COL25A1: variants seen among roughly 807,000 people sequenced by gnomAD.
The protein encoded by COL25A1 is collagen alpha-1(XXV) chain.
In COL25A1, 103 loss-of-function variants were observed where a neutral mutation model predicts 128.4. That is an observed-to-expected ratio of 0.80 (90% CI 0.68 to 0.94). The LOEUF is 0.94. COL25A1 is among the 40% of genes least tolerant of loss of function. The probability of loss-of-function intolerance (pLI) is 0.00; values close to 1 mark genes in which losing one functional copy is unlikely to be tolerated. For missense variants in COL25A1, 745 were observed against 840.0 expected (o/e 0.89, Z 1.40); for synonymous variants, 279 against 277.2 (o/e 1.01, Z -0.06).
chr4:109,145,411 T>A (rs1430643887), intron 3 of COL25A1, among the ~76,000 whole-genome samples: 1 of 152,216 alleles, frequency 6.6e-6, no homozygotes, highest in African/African-American at 2.4e-5. Context: ...TTCTGTGAAG[T>A]TCAATGAAAA....
chr4:109,065,938 T>C (rs1366691720), intron 3 of COL25A1, among the ~76,000 whole-genome samples: 4 of 152,182 alleles, frequency 2.6e-5, no homozygotes, highest in African/African-American at 9.7e-5. Flanking sequence ...AGTAATGCCT[T>C]TGGTGAACCC....
At chr4:108,944,775 G>A (rs1183041977) in intron 8 of COL25A1, among the ~76,000 whole-genome samples, 1 of 151,962 alleles carries the variant, frequency 6.6e-6, no homozygotes, top group Admixed American at 6.6e-5. Context: ...AATTGGATAG[G>A]TAATTCTCAC....
intron 3 of COL25A1, among the ~76,000 whole-genome samples, chr4:109,270,801 A>G (rs1782140014): frequency 6.6e-6 from 1 of 152,192 alleles, no homozygotes; most frequent in Non-Finnish European, 1.5e-5. Flanking sequence ...TGGAAAACCT[A>G]TGGCATATAA....
At chr4:108,818,210 T>C (rs1731429041) in intron 36 of COL25A1, among the ~76,000 whole-genome samples, 1 of 152,184 alleles carries the variant, frequency 6.6e-6, no homozygotes, top group Admixed American at 6.5e-5. Flanking sequence ...TCATAAAATA[T>C]GATTTATCAT....
At position 109,007,750 on chromosome 4, in the gene COL25A1, G is replaced by A. The variant is rs147071171; in HGVS notation, c.438+2608C>T. ...AACATTTTCCAGCATAGGCAGTTAG[G>A]TAGACTATGTTTCTGCAGAGCCATA... On this transcript the variant is annotated intron_variant, in intron 6 of 37. Coordinates refer to ENST00000399132, the MANE Select transcript of COL25A1 (RefSeq NM_198721.4). Among the ~76,000 whole-genome samples, 824 of 152,252 alleles carry A rather than the reference G, an allele frequency of 5.4e-3. 9 individuals are homozygous for A. The highest frequency in any genetic ancestry group is 0.019 in the African/African-American group (781 of 41,554).
chr4:108,855,158 C>A (rs796099160), intron 24 of COL25A1, among the ~76,000 whole-genome samples: 1 of 149,982 alleles, frequency 6.7e-6, no homozygotes, highest in Non-Finnish European at 1.5e-5. Flanking sequence ...TTCCACTGTT[C>A]CACTCCAATT....
intron 8 of COL25A1, among the ~76,000 whole-genome samples, chr4:108,961,309 A>G (rs1447954229): frequency 1.3e-5 from 2 of 152,190 alleles, no homozygotes; most frequent in Non-Finnish European, 2.9e-5. Flanking sequence ...CTAGAGATAG[A>G]CTAATTCCTA....
chr4:109,249,866 C>T (rs1392701267), intron 3 of COL25A1, among the ~76,000 whole-genome samples: 1 of 152,060 alleles, frequency 6.6e-6, no homozygotes, highest in African/African-American at 2.4e-5. Flanking sequence ...TATAAATAAT[C>T]TATATTATTA....
At chr4:108,992,759 C>T (rs1754344218) in intron 6 of COL25A1, among the ~76,000 whole-genome samples, 1 of 152,076 alleles carries the variant, frequency 6.6e-6, no homozygotes, top group Non-Finnish European at 1.5e-5. Flanking sequence ...TTAGGAACCT[C>T]AGAGATGTCA....
At chr4:109,037,252 A>T (rs567528164) in intron 5 of COL25A1, among the ~76,000 whole-genome samples, 2 of 152,294 alleles carry the variant, frequency 1.3e-5, no homozygotes, top group South Asian at 4.1e-4. Context: ...CTCATGAGTT[A>T]GCTGCACAAA....
chr4:108,928,513 T>C (rs933328131), intron 11 of COL25A1, among the ~76,000 whole-genome samples: 2 of 138,958 alleles, frequency 1.4e-5, no homozygotes, highest in Non-Finnish European at 3.1e-5. Context: ...TATTTATTTA[T>C]GTATTTATTT....
intron 23 of COL25A1, among the ~76,000 whole-genome samples, chr4:108,860,414 A>G (rs1220348005): frequency 6.6e-6 from 1 of 152,156 alleles, no homozygotes; most frequent in Non-Finnish European, 1.5e-5. Flanking sequence ...AAGATAGAAC[A>G]TTGTTCTGTA....
chr4:109,052,199 C>G (rs1251407491), intron 3 of COL25A1, among the ~76,000 whole-genome samples: 2 of 150,746 alleles, frequency 1.3e-5, no homozygotes, highest in African/African-American at 2.5e-5. Flanking sequence ...ACTTAACAGA[C>G]AGAAGATTAT....
At chr4:109,057,810 T>C (rs899095188) in intron 3 of COL25A1, among the ~76,000 whole-genome samples, 3 of 152,152 alleles carry the variant, frequency 2.0e-5, no homozygotes, top group Admixed American at 2.0e-4. Context: ...TTCTTTCTGG[T>C]GCCAGGTTTA....
intron 3 of COL25A1, among the ~76,000 whole-genome samples, chr4:109,097,352 C>T (rs1359915282): frequency 6.6e-6 from 1 of 151,798 alleles, no homozygotes; most frequent in East Asian, 1.9e-4. Flanking sequence ...TGCCTGTAAT[C>T]CCAGCACTTT....
chr4:109,126,729 A>C (rs932842603), intron 3 of COL25A1, among the ~76,000 whole-genome samples: 1 of 152,074 alleles, frequency 6.6e-6, no homozygotes, highest in Non-Finnish European at 1.5e-5. Context: ...CTTCCCTTTT[A>C]CATTCTTATT....
intron 3 of COL25A1, among the ~76,000 whole-genome samples, chr4:109,093,476 AC>A (rs1765132090): frequency 1.3e-5 from 2 of 150,166 alleles, no homozygotes; most frequent in Admixed American, 6.6e-5. Context: ...AAAAAAAAAA[AC>A]CTTTTTTAAA....
rs1741163933 is a variant in COL25A1, at chr4:108,889,153, A to C, written c.975+68T>G. On this transcript the variant is annotated intron_variant, in intron 18 of 37. Transcript: ENST00000399132. ...TTTGTAATAATTGTTTTCATATTAC[A>C]CAGTGGATGGTAGATATAAAATGGT... 3.1e-6 allele frequency: 4 copies of C among 1,284,342 alleles called. No homozygotes were observed. The East Asian group carries it at 9.2e-5, about 30-fold the overall frequency. The allele number at this position is 1,284,342 out of a possible 1,614,324, so 79.6% of individuals were successfully genotyped here.
intron 3 of COL25A1, among the ~76,000 whole-genome samples, chr4:109,152,661 C>T (rs909754612): frequency 3.3e-5 from 5 of 152,148 alleles, no homozygotes; most frequent in Non-Finnish European, 5.9e-5. Context: ...GTGGTATATA[C>T]GTACAATGGA....
Sources: gnomAD v4.1 joint callset for allele counts (sites outside exome capture counted in the v4.1 genomes callset) on GRCh38, gnomAD v4.1.1 for gene constraint, MANE v1.5 for transcripts, NCBI Gene and HGNC (gene_info 2026-07-23, HGNC 2026-07-21) for gene names.